ADGRL2: variants seen among roughly 807,000 people sequenced by gnomAD.
The protein encoded by ADGRL2 is adhesion G protein-coupled receptor L2, also known as calcium-independent alpha-latrotoxin receptor 2.
A neutral mutation model predicts 157.4 loss-of-function variants in ADGRL2; 44 were observed. The observed-to-expected ratio is 0.28, with a 90% confidence interval of 0.22 to 0.36. ADGRL2 has a LOEUF of 0.36. Ranked by LOEUF, ADGRL2 falls within the 10% of genes least tolerant of loss-of-function variation. The probability of loss-of-function intolerance (pLI) is 1.00; values close to 1 mark genes in which losing one functional copy is unlikely to be tolerated. For missense variants in ADGRL2, 1,510 were observed against 1,768.9 expected, an observed-to-expected ratio of 0.85 and a Z score of 2.63; for synonymous variants, 585 against 624.7, an observed-to-expected ratio of 0.94 and a Z score of 0.95.
At chr1:81,405,297 A>G (rs2076833085) in intron 1 of ADGRL2, among the ~76,000 whole-genome samples, 1 of 152,198 alleles carries the variant, frequency 6.6e-6, no homozygotes, top group African/African-American at 2.4e-5. Context: ...GGCACTGGCA[A>G]TGATTCCGTA....
intron 1 of ADGRL2, among the ~76,000 whole-genome samples, chr1:81,410,484 C>T (rs1342928869): frequency 6.6e-6 from 1 of 152,212 alleles, no homozygotes; most frequent in Non-Finnish European, 1.5e-5. Flanking sequence ...GGCCTCCAAG[C>T]CCCAGGCATC....
chr1:81,713,143 T>C (rs1407343161), intron 1 of ADGRL2, among the ~76,000 whole-genome samples: 5 of 152,292 alleles, frequency 3.3e-5, no homozygotes, highest in Non-Finnish European at 7.4e-5. Flanking sequence ...AGATGGAGAC[T>C]TCCAAGGCAT....
chr1:81,501,119 CAAAA>C (rs1184358495), intron 2 of ADGRL2, among the ~76,000 whole-genome samples: 7 of 152,156 alleles, frequency 4.6e-5, no homozygotes, highest in Non-Finnish European at 8.8e-5. Context: ...CTCGCAGGGG[CAAAA>C]TTACTGCTGC....
chr1:81,951,384 A>G (rs1198709097), intron 8 of ADGRL2, among the ~76,000 whole-genome samples: 1 of 152,116 alleles, frequency 6.6e-6, no homozygotes, highest in Admixed American at 6.6e-5. Context: ...TTTGATGTTC[A>G]TAAGACAAAA....
At chr1:81,874,097 T>C (rs2151068590) in intron 2 of ADGRL2, among the ~76,000 whole-genome samples, 1 of 152,222 alleles carries the variant, frequency 6.6e-6, no homozygotes, top group South Asian at 2.1e-4. Context: ...AAATCATGAT[T>C]TGTTTTGGTT....
At chr1:81,456,273 G>A (rs1204543094) in intron 2 of ADGRL2, among the ~76,000 whole-genome samples, 3 of 152,056 alleles carry the variant, frequency 2.0e-5, no homozygotes, top group African/African-American at 7.2e-5. Flanking sequence ...AGGCTGGAGT[G>A]CAGTGACATT....
At chr1:81,448,137 C>CTTTTTTTTTTTTTTT (rs1168945231) in intron 2 of ADGRL2, among the ~76,000 whole-genome samples, 54 of 83,500 alleles carry the variant, frequency 6.5e-4, no homozygotes, top group Non-Finnish European at 8.7e-4. Flanking sequence ...TTCTTTCTTT[C>CTTTTTTTTTTTTTTT]TTTTTTTTTT....
intron 1 of ADGRL2, among the ~76,000 whole-genome samples, chr1:81,746,888 G>A (rs1342547883): frequency 4.7e-5 from 7 of 147,818 alleles, no homozygotes; most frequent in African/African-American, 1.5e-4. Context: ...ACGTGCACAC[G>A]TATACACGTA....
chr1:81,982,300 T>C (rs1661897806), intron 19 of ADGRL2, among the ~76,000 whole-genome samples: 1 of 152,004 alleles, frequency 6.6e-6, no homozygotes. Flanking sequence ...CATTCTTTGC[T>C]CACTAAAGGC....
At chr1:81,388,518 C>T (rs533280580) in intron 1 of ADGRL2, among the ~76,000 whole-genome samples, 27 of 152,268 alleles carry the variant, frequency 1.8e-4, no homozygotes, top group African/African-American at 6.0e-4. Context: ...TCTCACTCCT[C>T]ATCCCACCTC....
intron 2 of ADGRL2, among the ~76,000 whole-genome samples, chr1:81,840,601 A>G (rs1028630752): frequency 2.0e-5 from 3 of 152,082 alleles, no homozygotes; most frequent in Non-Finnish European, 4.4e-5. Context: ...ATATCTATCT[A>G]TCTCTATTTT....
intron 2 of ADGRL2, among the ~76,000 whole-genome samples, chr1:81,454,165 C>CT (rs1491122561): frequency 8.6e-5 from 13 of 151,564 alleles, no homozygotes; most frequent in Middle Eastern, 3.4e-3. Flanking sequence ...TCAATCCTCA[C>CT]TCTTTTTTTT....
At chr1:81,543,008 CT>C (rs199767965) in intron 2 of ADGRL2, among the ~76,000 whole-genome samples, 12,403 of 134,354 alleles carry the variant, frequency 0.092, 712 homozygotes, top group East Asian at 0.24. Context: ...TTTTATCTTG[CT>C]TTTTTTTTTT....
chr1:81,815,276 A>G (rs1279392269), intron 1 of ADGRL2, among the ~76,000 whole-genome samples: 1 of 151,820 alleles, frequency 6.6e-6, no homozygotes, highest in East Asian at 1.9e-4. Context: ...TACTCGTGTC[A>G]GAGGCCTTAA....
At chr1:81,543,439 T>C (rs1291247534) in intron 2 of ADGRL2, among the ~76,000 whole-genome samples, 2 of 152,234 alleles carry the variant, frequency 1.3e-5, no homozygotes, top group Non-Finnish European at 2.9e-5. Flanking sequence ...CCTCTAAAAC[T>C]GAGAGAAATA....
rs555947390 is a variant in ADGRL2, at chr1:81,868,639, A to G, written c.73+31582A>G. Among the ~76,000 whole-genome samples, 12 of 152,170 alleles carry G rather than the reference A, an allele frequency of 7.9e-5. No homozygotes were observed. The South Asian group carries it at 2.5e-3, about 32-fold the overall frequency. ...ATGATAACTTCTTTTTTAGAACGACATGTAATTTTTCCTATCTCAGAGAAG... is the reference window on the plus strand; with the variant it reads ...ATGATAACTTCTTTTTTAGAACGACGTGTAATTTTTCCTATCTCAGAGAAG... On this transcript the variant is annotated intron_variant, in intron 2 of 23. Coordinates refer to ENST00000686636, the MANE Select transcript of ADGRL2 (RefSeq NM_001366006.2).
chr1:81,943,106 C>T lies in ADGRL2; in HGVS notation c.547C>T (p.Arg183Cys), dbSNP rs752679138. The change falls in exon 6 of 24, where the codon CGT (arginine) becomes TGT (cysteine). Residue 183 changes from arginine to cysteine, a missense_variant. By Grantham distance (180) the Arg-to-Cys change is radical. This residue lies in a region of ADGRL2 where 361 missense variants were observed against 498.4 expected (regional missense o/e 0.72). Transcript: ENST00000686636. This position sits in a 1 kb window ranked among gnomAD's most constrained non-coding sequence, Gnocchi z 5.6. The part of the protein sequence containing the change: ...KIYFMPWTPY[R>C]TDTLIEYASL... ...TTATTTCATGCCCTGGACTCCCTATCGTACCGATACTTTAATAGAATATGC... is the reference window on the plus strand; with the variant it reads ...TTATTTCATGCCCTGGACTCCCTATTGTACCGATACTTTAATAGAATATGC... 22 of 1,613,292 alleles carry T rather than the reference C, an allele frequency of 1.4e-5. No homozygotes were observed. Among genetic ancestry groups the T allele is most frequent in the East Asian group, 2.2e-5 (1 of 44,874 alleles).
At chr1:81,337,100 C>T (rs1041082868) in intron 1 of ADGRL2, among the ~76,000 whole-genome samples, 1 of 152,204 alleles carries the variant, frequency 6.6e-6, no homozygotes, top group African/African-American at 2.4e-5. Context: ...CAGGGGAAGA[C>T]TAGCTTCCCA....
intron 1 of ADGRL2, among the ~76,000 whole-genome samples, chr1:81,412,740 A>G (rs2076968109): frequency 6.6e-6 from 1 of 152,234 alleles, no homozygotes; most frequent in Admixed American, 6.5e-5. Context: ...TGAAGGATGT[A>G]TAGATTTATT....
Sources: allele counts gnomAD v4.1 joint callset (sites outside exome capture counted in the v4.1 genomes callset), GRCh38; gene constraint gnomAD v4.1.1; regional missense constraint gnomAD v4.1.1; non-coding constraint Gnocchi (gnomAD v3.1); transcripts MANE v1.5; gene names NCBI Gene and HGNC (gene_info 2026-07-23, HGNC 2026-07-21).